CSMD1: variants seen among roughly 807,000 people sequenced by gnomAD.
The protein encoded by CSMD1 is CUB and Sushi multiple domains 1, also known as CUB and sushi domain-containing protein 1.
CSMD1 carries 213 observed loss-of-function variants against 417.5 expected under a neutral mutation model. The observed-to-expected ratio is 0.51, with a 90% confidence interval of 0.46 to 0.57. The LOEUF is 0.57. Ranked by LOEUF, CSMD1 falls within the 20% of genes least tolerant of loss-of-function variation. CSMD1 has a pLI of 0.00. For synonymous variants in CSMD1, 2,862 were observed against 1,736.8 expected (o/e 1.65, Z -16.11); for missense variants, 6,923 against 4,529.7 (o/e 1.53, Z -15.17).
intron 1 of CSMD1, among the ~76,000 whole-genome samples, chr8:4,716,985 C>G (rs1457214250): frequency 6.6e-6 from 1 of 152,030 alleles, no homozygotes; most frequent in Non-Finnish European, 1.5e-5. Context: ...AAATCCAAGT[C>G]TCCTGGTATA....
intron 46 of CSMD1, among the ~76,000 whole-genome samples, chr8:3,104,465 C>T (rs956114785): frequency 2.6e-5 from 4 of 152,138 alleles, no homozygotes; most frequent in African/African-American, 7.2e-5. Flanking sequence ...GGCCAAGGGT[C>T]TGGCCCTCTG....
chr8:4,258,972 C>G (rs370286086), intron 3 of CSMD1, among the ~76,000 whole-genome samples: 2 of 152,156 alleles, frequency 1.3e-5, no homozygotes, highest in Non-Finnish European at 2.9e-5. Context: ...GTATAAATGT[C>G]TAACTAAGAC....
At chr8:4,652,789 G>T (rs185853739) in intron 1 of CSMD1, among the ~76,000 whole-genome samples, 2 of 152,216 alleles carry the variant, frequency 1.3e-5, no homozygotes, top group East Asian at 3.9e-4. Flanking sequence ...TTCTGTGAAG[G>T]GTGTGGGGAT....
intron 1 of CSMD1, among the ~76,000 whole-genome samples, chr8:4,741,416 C>T (rs1278617215): frequency 6.6e-6 from 1 of 152,040 alleles, no homozygotes; most frequent in Non-Finnish European, 1.5e-5. Flanking sequence ...ACTAAATGAC[C>T]AGGAAATAAC....
chr8:4,467,254 T>A (rs1800237133), intron 2 of CSMD1, among the ~76,000 whole-genome samples: 1 of 152,078 alleles, frequency 6.6e-6, no homozygotes, highest in Admixed American at 6.6e-5. Flanking sequence ...CAGCTAAGAA[T>A]CTACTTCAAT....
intron 36 of CSMD1, among the ~76,000 whole-genome samples, chr8:3,183,647 T>C (rs1328746374): frequency 2.0e-5 from 3 of 152,016 alleles, no homozygotes; most frequent in Non-Finnish European, 2.9e-5. Flanking sequence ...TCCACCGACG[T>C]CACGAACTGA....
chr8:4,259,804 A>C (rs866580021), intron 3 of CSMD1, among the ~76,000 whole-genome samples: 1 of 152,224 alleles, frequency 6.6e-6, no homozygotes, highest in South Asian at 2.1e-4. Context: ...AAATAATATA[A>C]AGCTATTATT....
chr8:3,846,820 C>A (rs1803538168), intron 5 of CSMD1, among the ~76,000 whole-genome samples: 1 of 152,182 alleles, frequency 6.6e-6, no homozygotes, highest in South Asian at 2.1e-4. Flanking sequence ...ATTACAGGTG[C>A]CTGCCACCAC....
intron 4 of CSMD1, among the ~76,000 whole-genome samples, chr8:4,008,171 C>A (rs1816274646): frequency 6.6e-6 from 1 of 151,988 alleles, no homozygotes; most frequent in South Asian, 2.1e-4. Context: ...TTTAAAAGGA[C>A]AAATATGAGC....
At chr8:3,418,362 T>G (rs1402636261) in intron 12 of CSMD1, among the ~76,000 whole-genome samples, 1 of 152,106 alleles carries the variant, frequency 6.6e-6, no homozygotes, top group African/African-American at 2.4e-5. Context: ...ACTGTCCAAA[T>G]TATTTATTAG....
intron 3 of CSMD1, among the ~76,000 whole-genome samples, chr8:4,207,405 A>C (rs62501365): frequency 6.6e-6 from 1 of 152,104 alleles, no homozygotes; most frequent in African/African-American, 2.4e-5. Context: ...TTTAATAAGC[A>C]AATCATATTT....
intron 20 of CSMD1, among the ~76,000 whole-genome samples, chr8:3,361,080 T>C (rs567009559): frequency 6.6e-5 from 10 of 152,194 alleles, no homozygotes; most frequent in Non-Finnish European, 1.3e-4. Context: ...ATTGATAACC[T>C]TGAGATATAC....
At chr8:4,664,464 G>A (rs367814900) in intron 1 of CSMD1, among the ~76,000 whole-genome samples, 8 of 152,122 alleles carry the variant, frequency 5.3e-5, no homozygotes, top group Admixed American at 2.0e-4. Flanking sequence ...AGAGGCTAAG[G>A]TGGGAGGACT....
At chr8:3,788,279 G>A (rs1799554014) in intron 5 of CSMD1, among the ~76,000 whole-genome samples, 1 of 152,130 alleles carries the variant, frequency 6.6e-6, no homozygotes, top group Non-Finnish European at 1.5e-5. Context: ...TCTTTCTTAA[G>A]GAACTTTTTC....
intron 6 of CSMD1, among the ~76,000 whole-genome samples, chr8:3,711,054 T>G (rs946033166): frequency 1.3e-5 from 2 of 152,112 alleles, no homozygotes; most frequent in African/African-American, 4.8e-5. Flanking sequence ...AACTGCCAAG[T>G]CTGAGATATT....
chr8:4,440,627 G>A (rs928689955), intron 2 of CSMD1, among the ~76,000 whole-genome samples: 1 of 152,208 alleles, frequency 6.6e-6, no homozygotes, highest in Non-Finnish European at 1.5e-5. Context: ...ACCATGCAAT[G>A]ATAGGGAAGA....
intron 2 of CSMD1, among the ~76,000 whole-genome samples, chr8:4,589,157 A>T (rs1563313710): frequency 6.6e-6 from 1 of 152,194 alleles, no homozygotes; most frequent in African/African-American, 2.4e-5. Context: ...TCTCAATGAG[A>T]AAAGAAAGAA....
chr8:4,179,813 A>G (rs1182791808), intron 3 of CSMD1, among the ~76,000 whole-genome samples: 1 of 152,222 alleles, frequency 6.6e-6, no homozygotes, highest in African/African-American at 2.4e-5. Context: ...TGCAGCCAAA[A>G]GACACATGAA....
intron 3 of CSMD1, among the ~76,000 whole-genome samples, chr8:4,229,222 G>A (rs201245477): frequency 1.3e-5 from 2 of 152,072 alleles, no homozygotes; most frequent in Admixed American, 1.3e-4. Context: ...TCAGCACATT[G>A]GCCAATTTGG....
Sources: allele counts gnomAD v4.1 joint callset (sites outside exome capture counted in the v4.1 genomes callset), GRCh38; gene constraint gnomAD v4.1.1; transcripts MANE v1.5; gene names NCBI Gene and HGNC (gene_info 2026-07-23, HGNC 2026-07-21).